The following PARP16 variants were observed in gnomAD, a reference collection of about 807,000 sequenced individuals.
PARP16 encodes the protein protein mono-ADP-ribosyltransferase PARP16.
PARP16 carries 31 observed loss-of-function variants against 35.0 expected under a neutral mutation model. The ratio of observed to expected loss-of-function variants is 0.88; its 90% CI spans 0.66 to 1.19. PARP16 has a LOEUF of 1.19. Ranked by LOEUF, PARP16 falls within the 50% of genes most tolerant of loss-of-function variation. PARP16 has a pLI of 0.00. For synonymous variants in PARP16, 162 were observed against 169.5 expected, an observed-to-expected ratio of 0.96 and a Z score of 0.34; for missense variants, 424 against 411.2, an observed-to-expected ratio of 1.03 and a Z score of -0.27.
At chr15:65,261,056 C>T in intron 4 of PARP16, 30 bp from the exon 5 acceptor site, 2 of 1,602,300 alleles carry the variant, frequency 1.2e-6, no homozygotes, top group Non-Finnish European at 1.7e-6. Flanking sequence ...CACATCTTCA[C>T]TGGGGGAAAC....
chr15:65,282,283 A>C (rs2140978302), intron 1 of PARP16, among the ~76,000 whole-genome samples: 1 of 152,330 alleles, frequency 6.6e-6, no homozygotes, highest in East Asian at 1.9e-4. Flanking sequence ...GGCTGGGATT[A>C]CAGGTGTGAA....
At chr15:65,248,875 ACT>A (rs1424168575) in intron 2 of PARP16, among the ~76,000 whole-genome samples, 3 of 152,038 alleles carry the variant, frequency 2.0e-5, no homozygotes, top group African/African-American at 7.2e-5. Flanking sequence ...CTTCCCAAGG[ACT>A]CTGCCCTTGG....
intron 2 of PARP16, among the ~76,000 whole-genome samples, chr15:65,248,946 G>A (rs557379509): frequency 6.6e-6 from 1 of 152,286 alleles, no homozygotes; most frequent in South Asian, 2.1e-4. Context: ...TGGTGGCAGA[G>A]CACACTCAGG....
chr15:65,249,837 G>A (rs899034413), intron 2 of PARP16, among the ~76,000 whole-genome samples: 1 of 152,210 alleles, frequency 6.6e-6, no homozygotes. Flanking sequence ...CTCACCTCCT[G>A]GGTCTGCAAT....
intron 4 of PARP16, among the ~76,000 whole-genome samples, chr15:65,262,458 G>T (rs1350980498): frequency 6.6e-6 from 1 of 152,208 alleles, no homozygotes; most frequent in Non-Finnish European, 1.5e-5. Flanking sequence ...CTGGAGACTG[G>T]AATGACAGTT....
intron 3 of PARP16, among the ~76,000 whole-genome samples, chr15:65,241,285 C>T (rs2089071747): frequency 2.0e-5 from 3 of 151,472 alleles, no homozygotes; most frequent in South Asian, 4.2e-4. Flanking sequence ...GGGTTACAGG[C>T]GTGTGCCACC....
chr15:65,259,544 T>C lies in PARP16; in HGVS notation c.834-2A>G. 1 of 1,613,380 alleles carries C rather than the reference T, an allele frequency of 6.2e-7. No individual in the cohort carries two copies. Among genetic ancestry groups the C allele is most frequent in the Non-Finnish European group, 8.5e-7 (1 of 1,179,708 alleles). ...AACCAGGAGAGCTGGCTCGAAGCCC[T>C]GCTTAAGAGGGAAAAAAGAGTGGTG... is the stretch of plus-strand genomic sequence containing the variant. On this transcript the variant is annotated splice_acceptor_variant, in intron 5 of 5. Coordinates refer to ENST00000649807, the MANE Select transcript of PARP16 (RefSeq NM_001316943.2). LOFTEE classifies it high-confidence loss of function.
chr15:65,261,344 C>T (rs2140846256), intron 4 of PARP16, among the ~76,000 whole-genome samples: 1 of 150,664 alleles, frequency 6.6e-6, no homozygotes, highest in Non-Finnish European at 1.5e-5. Context: ...AAGCTAGGAA[C>T]AGGACTTGAT....
At chr15:65,273,850 T>C (rs915929079) in intron 1 of PARP16, among the ~76,000 whole-genome samples, 1 of 141,296 alleles carries the variant, frequency 7.1e-6, no homozygotes, top group Non-Finnish European at 1.5e-5. Context: ...CACTCCAGCC[T>C]GGGCAACAAT....
chr15:65,268,857 C>T (rs987975774), intron 2 of PARP16, among the ~76,000 whole-genome samples: 2 of 152,098 alleles, frequency 1.3e-5, no homozygotes, highest in African/African-American at 2.4e-5. Flanking sequence ...CAGGTTCAAG[C>T]GATTCTCCTA....
intron 2 of PARP16, among the ~76,000 whole-genome samples, chr15:65,251,434 T>G (rs1034167986): frequency 6.6e-6 from 1 of 152,250 alleles, no homozygotes; most frequent in Non-Finnish European, 1.5e-5. Context: ...ATTGGTCACC[T>G]AAGTGAAAAG....
chr15:65,261,273 T>C (rs1353571816), intron 4 of PARP16, among the ~76,000 whole-genome samples: 1 of 150,232 alleles, frequency 6.7e-6, no homozygotes, highest in Non-Finnish European at 1.5e-5. Context: ...CTCAACTGAG[T>C]GGGGAGAACA....
intron 3 of PARP16, among the ~76,000 whole-genome samples, chr15:65,238,289 A>G (rs1205758846): frequency 6.6e-6 from 1 of 152,174 alleles, no homozygotes; most frequent in African/African-American, 2.4e-5. Flanking sequence ...CTGCCTCAAA[A>G]GAAAAAAAAA....
chr15:65,273,364 T>A (rs11853254), intron 1 of PARP16, among the ~76,000 whole-genome samples: 36,843 of 151,064 alleles, frequency 0.24, 4,856 homozygotes, highest in African/African-American at 0.31. Context: ...TTTTCTTAGC[T>A]CTGTAGTTGA....
downstream of PARP16, among the ~76,000 whole-genome samples, chr15:65,232,607 A>T (rs1336653260): frequency 6.6e-6 from 1 of 152,194 alleles, no homozygotes; most frequent in East Asian, 1.9e-4. Context: ...TACTGAGTTA[A>T]AAATTACTCA....
At chr15:65,257,877 G>C (rs2089563532), downstream of PARP16, among the ~76,000 whole-genome samples, 1 of 152,104 alleles carries the variant, frequency 6.6e-6, no homozygotes, top group Admixed American at 6.6e-5. Flanking sequence ...TTCTGACTTT[G>C]ATCCTGCTCG....
chr15:65,238,912 T>C (rs923114476), intron 3 of PARP16, among the ~76,000 whole-genome samples: 20 of 152,160 alleles, frequency 1.3e-4, no homozygotes, highest in African/African-American at 4.8e-4. Context: ...GAGCACTGCT[T>C]AAGGCCATGA....
chr15:65,263,180 A>G lies in PARP16; in HGVS notation c.660T>C (p.His220=), dbSNP rs139672729. 1.9e-3 allele frequency: 3,041 copies of G among 1,614,106 alleles called. 19 individuals carry two copies. Among genetic ancestry groups the G allele is most frequent in the Non-Finnish European group, 1.9e-3 (2,268 of 1,180,010 alleles). The change falls in exon 4 of 6, where the codon CAT becomes CAC. Residue 220 remains histidine (H), a synonymous_variant. Coordinates refer to ENST00000649807, the MANE Select transcript of PARP16 (RefSeq NM_001316943.2). The part of the protein sequence containing the change: ...SCVAVCEVID[H]PDVKCQTKKK... ...TCTTGGTTTGGCACTTGACGTCCGG[A>G]TGGTCAATGACCTCACACACGGCCA...
At chr15:65,264,215 T>G (rs2089823075) in intron 3 of PARP16, among the ~76,000 whole-genome samples, 1 of 152,168 alleles carries the variant, frequency 6.6e-6, no homozygotes, top group African/African-American at 2.4e-5. Context: ...ACAGCAGGCA[T>G]AGTGAACACA....
Sources: allele counts gnomAD v4.1 joint callset (sites outside exome capture counted in the v4.1 genomes callset), GRCh38; gene constraint gnomAD v4.1.1; transcripts MANE v1.5; gene names NCBI Gene and HGNC (gene_info 2026-07-23, HGNC 2026-07-21).